The following PPP6R3 variants were observed in gnomAD, a reference collection of about 807,000 sequenced individuals.
PPP6R3 encodes the protein protein phosphatase 6 regulatory subunit 3.
Under a neutral mutation model 110.7 loss-of-function variants are expected in PPP6R3, and 38 were observed. That is an observed-to-expected ratio of 0.34 (90% CI 0.26 to 0.45). The LOEUF (loss-of-function observed/expected upper bound fraction) is 0.45, where lower values mean the gene tolerates loss of function less well. Ranked by LOEUF, PPP6R3 falls within the 20% of genes least tolerant of loss-of-function variation. PPP6R3 has a pLI of 1.00. For missense variants in PPP6R3, 870 were observed against 1,062.4 expected, an observed-to-expected ratio of 0.82 and a Z score of 2.52; for synonymous variants, 369 against 373.5, an observed-to-expected ratio of 0.99 and a Z score of 0.14.
chr11:68,519,425 A>G (rs184940878), intron 1 of PPP6R3, 76 bp from the exon 2 acceptor site: 93 of 391,650 alleles, frequency 2.4e-4, no homozygotes, highest in African/African-American at 1.9e-3. Flanking sequence ...ACCCTGACCC[A>G]GTATGCTTTA....
intron 22 of PPP6R3, chr11:68,609,662 G>A (rs1254110449): frequency 1.3e-6 from 2 of 1,558,184 alleles, no homozygotes; most frequent in Admixed American, 1.9e-5. Flanking sequence ...TTCTTTATCA[G>A]ACGCCAGCCA....
chr11:68,491,445 A>G (rs1295694056), intron 1 of PPP6R3, among the ~76,000 whole-genome samples: 1 of 150,696 alleles, frequency 6.6e-6, no homozygotes, highest in Admixed American at 6.7e-5. Context: ...TCTAGGTGCA[A>G]GGATCCTCCC....
intron 15 of PPP6R3, chr11:68,586,366 T>A (rs2153834550): frequency 6.6e-6 from 1 of 152,342 alleles, no homozygotes; most frequent in South Asian, 2.1e-4. Flanking sequence ...TGTCCATTCA[T>A]AGGTCCAGAA....
At chr11:68,462,394 TGAGTA>T (rs1297714166) in intron 1 of PPP6R3, among the ~76,000 whole-genome samples, 3 of 152,222 alleles carry the variant, frequency 2.0e-5, no homozygotes, top group African/African-American at 7.2e-5. Flanking sequence ...GAGTAATTAA[TGAGTA>T]GTAGCGCCTC....
At chr11:68,525,488 T>C (rs1344185032) in intron 2 of PPP6R3, among the ~76,000 whole-genome samples, 1 of 152,220 alleles carries the variant, frequency 6.6e-6, no homozygotes, top group Non-Finnish European at 1.5e-5. Context: ...GGTTGCATAC[T>C]GTAAAACATT....
intron 15 of PPP6R3, chr11:68,587,633 T>C (rs917611231): frequency 2.3e-6 from 1 of 444,430 alleles, no homozygotes; most frequent in Admixed American, 3.5e-5. Flanking sequence ...CACTTTAAAC[T>C]AGGCTTAATC....
At chr11:68,576,254 G>A (rs1201109100) in intron 14 of PPP6R3, among the ~76,000 whole-genome samples, 1 of 152,154 alleles carries the variant, frequency 6.6e-6, no homozygotes, top group Non-Finnish European at 1.5e-5. Flanking sequence ...ATGACAGAAG[G>A]ATATTGAGAA....
intron 23 of PPP6R3, among the ~76,000 whole-genome samples, chr11:68,612,128 T>TAA (rs1943765801): frequency 6.6e-6 from 1 of 152,232 alleles, no homozygotes; most frequent in Non-Finnish European, 1.5e-5. Context: ...AATCTACTTA[T>TAA]AAGATCACTC....
chr11:68,529,743 T>A (rs1331471837), intron 2 of PPP6R3, among the ~76,000 whole-genome samples: 1 of 152,234 alleles, frequency 6.6e-6, no homozygotes, highest in Non-Finnish European at 1.5e-5. Context: ...GTTGTTACAT[T>A]TCAAGAATAT....
chr11:68,581,581 C>G (rs910922179), intron 14 of PPP6R3, among the ~76,000 whole-genome samples: 4 of 152,212 alleles, frequency 2.6e-5, no homozygotes, highest in Admixed American at 1.3e-4. Flanking sequence ...CCAAGTGGCC[C>G]GAAGCTCCTC....
In PPP6R3 at chr11:68,496,365, G is replaced by T. The variant is rs149015023; in HGVS notation, c.-157-23136G>T. The stretch of plus-strand genomic sequence containing the variant: ...CCCATCCCTCCTTCCTTTTTGAGAC[G>T]GGGTCTCTCTGTATTGTCCAGGCTG... On this transcript the variant is annotated intron_variant, in intron 1 of 23. Coordinates refer to ENST00000393800, the MANE Select transcript of PPP6R3 (RefSeq NM_001164161.2). 7.5e-3 allele frequency among the ~76,000 whole-genome samples: 1,145 copies of T among 151,728 alleles called. 6 individuals are homozygous for T. Among genetic ancestry groups the T allele is most frequent in the Non-Finnish European group, 0.012 (834 of 67,916 alleles).
chr11:68,612,543 CT>C (rs1944047349), intron 23 of PPP6R3, among the ~76,000 whole-genome samples: 1 of 151,122 alleles, frequency 6.6e-6, no homozygotes, highest in African/African-American at 2.4e-5. Context: ...CTAACATTTG[CT>C]TTGTGGGACA....
chr11:68,581,492 C>T (rs1267139994), intron 14 of PPP6R3, among the ~76,000 whole-genome samples: 1 of 152,256 alleles, frequency 6.6e-6, no homozygotes, highest in Non-Finnish European at 1.5e-5. Context: ...TTTGCATGGC[C>T]TTCTATTTCT....
Position 68,466,788 on chromosome 11 carries a change from G to T in PPP6R3, c.-158+5961G>T, listed in dbSNP as rs775434697. 1.4e-4 allele frequency among the ~76,000 whole-genome samples: 22 copies of T among 152,276 alleles called. No individual in the cohort carries two copies. In the Middle Eastern group the frequency reaches 0.01, roughly 71 times the overall value. ...CCACCACGCCCGGCTAATTTTTTTT[G>T]TATTTTTATAGAGATGGGGTTTCTC... is the stretch of plus-strand genomic sequence containing the variant. On this transcript the variant is annotated intron_variant, in intron 1 of 23. Transcript: ENST00000393800.
chr11:68,542,400 T>TTTTTTTTTTTTG (rs1173863254), intron 3 of PPP6R3, among the ~76,000 whole-genome samples: 2 of 63,348 alleles, frequency 3.2e-5, no homozygotes, highest in Non-Finnish European at 6.6e-5. Context: ...TTTTTTTTTT[T>TTTTTTTTTTTTG]TTTTTTTTTT....
In PPP6R3 at chr11:68,574,227, A is replaced by G. The variant is rs912401470; in HGVS notation, c.1459+3A>G. The G allele has an allele frequency of 1.2e-6, 2 of 1,608,246 alleles. No individual in the cohort carries two copies. Among genetic ancestry groups the G allele is most frequent in the East Asian group, 2.2e-5 (1 of 44,846 alleles). ...ATTAGTGCAGCAGCTTATCAAAGGTAAGTTATTTGTGAAATTTGAATTACA... is the reference window on the plus strand; with the variant it reads ...ATTAGTGCAGCAGCTTATCAAAGGTGAGTTATTTGTGAAATTTGAATTACA... On this transcript the variant is annotated splice_donor_region_variant and intron_variant, in intron 13 of 23. Coordinates refer to ENST00000393800, the MANE Select transcript of PPP6R3 (RefSeq NM_001164161.2).
chr11:68,464,082 T>G (rs1035279551), intron 1 of PPP6R3, among the ~76,000 whole-genome samples: 2 of 152,214 alleles, frequency 1.3e-5, no homozygotes, highest in African/African-American at 4.8e-5. Flanking sequence ...AATTAGAAAT[T>G]TTTTAAGACC....
rs376529024 is a variant in PPP6R3, at chr11:68,489,050, CCTCTGTTGCACAGG to C, written c.-158+28226_-158+28239del. 4.1e-3 allele frequency among the ~76,000 whole-genome samples: 617 copies of C among 150,668 alleles called. 2 individuals carry two copies. Among genetic ancestry groups the C allele is most frequent in the African/African-American group, 0.014 (590 of 40,870 alleles). The stretch of plus-strand genomic sequence containing the variant: ...TTTTTTTTTTTTGAGGCAGAGTCTG[CCTCTGTTGCACAGG>C]CTGGAATGCAATGGTGTGATCTCGG... On this transcript the variant is annotated intron_variant, in intron 1 of 23. Coordinates refer to ENST00000393800, the MANE Select transcript of PPP6R3 (RefSeq NM_001164161.2).
intron 4 of PPP6R3, among the ~76,000 whole-genome samples, chr11:68,547,581 T>TGTAGCCAG (rs1482986931): frequency 1.3e-5 from 2 of 152,230 alleles, no homozygotes; most frequent in Non-Finnish European, 2.9e-5. Flanking sequence ...GCGATGTTTG[T>TGTAGCCAG]GTAGCCAGGT....
Sources: allele counts gnomAD v4.1 joint callset (sites outside exome capture counted in the v4.1 genomes callset), GRCh38; gene constraint gnomAD v4.1.1; transcripts MANE v1.5; gene names NCBI Gene and HGNC (gene_info 2026-07-23, HGNC 2026-07-21).